FAM81A: variants seen among roughly 807,000 people sequenced by gnomAD.
FAM81A encodes the protein family with sequence similarity 81 member A, also known as protein FAM81A.
In FAM81A, 19 loss-of-function variants were observed where a neutral mutation model predicts 46.7. The observed-to-expected ratio is 0.41, with a 90% confidence interval of 0.28 to 0.60. The LOEUF is 0.60. Among genes scored for constraint, FAM81A ranks in the 20% least tolerant of loss-of-function variants. FAM81A has a pLI of 0.34. For synonymous variants in FAM81A, 183 were observed against 152.9 expected (o/e 1.20, Z -1.45); for missense variants, 377 against 453.5 (o/e 0.83, Z 1.53).
intron 1 of FAM81A, among the ~76,000 whole-genome samples, chr15:59,449,827 T>C (rs990685641): frequency 2.7e-5 from 4 of 146,738 alleles, no homozygotes; most frequent in Non-Finnish European, 4.5e-5. Flanking sequence ...TTGTATAGTG[T>C]TCTTATCCTT....
intron 2 of FAM81A, among the ~76,000 whole-genome samples, chr15:59,423,132 C>G (rs1180341460): frequency 6.6e-6 from 1 of 152,178 alleles, no homozygotes; most frequent in Non-Finnish European, 1.5e-5. Flanking sequence ...GAGTCTCGCA[C>G]TGTCGCCCAG....
rs1447725446 is a variant in FAM81A at position 59,523,032 on chromosome 15, A to C, written c.*1654A>C. On this transcript the variant is annotated 3_prime_UTR_variant, in exon 9 of 9. Transcript: ENST00000288228. ...TTTTGTGGTAGCGTACACGTGGTTCATGTGGTTCTCCACGTTTAAGCACAA... is the reference window on the plus strand; with the variant it reads ...TTTTGTGGTAGCGTACACGTGGTTCCTGTGGTTCTCCACGTTTAAGCACAA... 1.3e-5 allele frequency: 2 copies of C among 152,272 alleles called. No homozygotes were observed. The highest frequency in any genetic ancestry group is 4.8e-5 in the African/African-American group (2 of 41,468). The allele number at this position is 152,272 out of a possible 1,614,324, so 9.4% of individuals were successfully genotyped here. A position where few individuals can be genotyped will look rare whatever the true frequency, so the allele number is the denominator to read the frequency against.
At chr15:59,478,575 G>T (rs1250350820) in intron 3 of FAM81A, among the ~76,000 whole-genome samples, 4 of 152,194 alleles carry the variant, frequency 2.6e-5, no homozygotes, top group African/African-American at 9.6e-5. Flanking sequence ...GGGAATTTCA[G>T]CCTGCAGCTC....
At chr15:59,454,801 A>G (rs1283876444) in intron 1 of FAM81A, among the ~76,000 whole-genome samples, 1 of 147,766 alleles carries the variant, frequency 6.8e-6, no homozygotes, top group Non-Finnish European at 1.5e-5. Context: ...AATTTTTTTT[A>G]TTTTTTTTTA....
chr15:59,401,482 T>G, intron 1 of FAM81A: 1 of 762,564 alleles, frequency 1.3e-6, no homozygotes, highest in East Asian at 2.4e-5. Flanking sequence ...GCAAGCCCAT[T>G]GGCCTGATGA....
At chr15:59,417,613 G>T (rs575580686) in intron 2 of FAM81A, among the ~76,000 whole-genome samples, 1 of 151,998 alleles carries the variant, frequency 6.6e-6, no homozygotes, top group East Asian at 1.9e-4. Context: ...TACTCAGGAA[G>T]CTGAGGCAGG....
chr15:59,455,900 A>G (rs1478138912), intron 1 of FAM81A, among the ~76,000 whole-genome samples: 1 of 152,182 alleles, frequency 6.6e-6, no homozygotes, highest in Non-Finnish European at 1.5e-5. Context: ...ATATTGTCTT[A>G]TATCTTTATT....
At chr15:59,431,246 T>C (rs1385679348) in intron 2 of FAM81A, among the ~76,000 whole-genome samples, 6 of 152,110 alleles carry the variant, frequency 3.9e-5, no homozygotes, top group Non-Finnish European at 7.4e-5. Context: ...TTTTTTTTCT[T>C]TTTTTTGAGA....
intron 1 of FAM81A, among the ~76,000 whole-genome samples, chr15:59,401,003 C>T (rs1567034127): frequency 6.6e-6 from 1 of 152,088 alleles, no homozygotes; most frequent in Non-Finnish European, 1.5e-5. Flanking sequence ...TCTTTTCTAA[C>T]CTTTGCAGAT....
chr15:59,519,940 C>T (rs148918197), intron 8 of FAM81A, among the ~76,000 whole-genome samples: 216 of 152,210 alleles, frequency 1.4e-3, no homozygotes, highest in African/African-American at 5.1e-3. Context: ...AGTGAGATTG[C>T]TGGGTCGTAT....
intron 2 of FAM81A, among the ~76,000 whole-genome samples, chr15:59,430,997 A>G (rs2081217372): frequency 6.6e-6 from 1 of 152,228 alleles, no homozygotes; most frequent in Admixed American, 6.5e-5. Context: ...TATGTTAAAC[A>G]TAATAAATAA....
chr15:59,473,675 T>A (rs548570438), intron 3 of FAM81A, among the ~76,000 whole-genome samples: 1 of 152,148 alleles, frequency 6.6e-6, no homozygotes, highest in Admixed American at 6.5e-5. Context: ...GACATTACCG[T>A]CCCCTCCAGG....
chr15:59,401,740 A>G, intron 1 of FAM81A: 1 of 770,242 alleles, frequency 1.3e-6, no homozygotes, highest in East Asian at 2.4e-5. Context: ...GCAGATAGGC[A>G]GGTACTGCTC....
intron 3 of FAM81A, among the ~76,000 whole-genome samples, chr15:59,489,239 G>C (rs758117665): frequency 1.3e-5 from 2 of 151,634 alleles, no homozygotes; most frequent in Admixed American, 1.3e-4. Flanking sequence ...CACTCTAGCC[G>C]GGACAACAGA....
intron 1 of FAM81A, among the ~76,000 whole-genome samples, chr15:59,441,436 G>C (rs1040480040): frequency 5.9e-5 from 9 of 152,354 alleles, no homozygotes; most frequent in Middle Eastern, 6.8e-3. Flanking sequence ...TTCCATTTTA[G>C]TAAATTCTAA....
At chr15:59,519,733 C>A (rs1452707774) in intron 8 of FAM81A, among the ~76,000 whole-genome samples, 1 of 151,880 alleles carries the variant, frequency 6.6e-6, no homozygotes, top group African/African-American at 2.4e-5. Context: ...TGACAAATGG[C>A]AGGCTCTCCT....
intron 1 of FAM81A, among the ~76,000 whole-genome samples, chr15:59,456,820 C>T (rs2081490875): frequency 6.6e-6 from 1 of 152,166 alleles, no homozygotes; most frequent in South Asian, 2.1e-4. Flanking sequence ...AACTCCTGGG[C>T]TCAAGCAATC....
chr15:59,442,046 T>C (rs1422185949), intron 1 of FAM81A, among the ~76,000 whole-genome samples: 1 of 152,168 alleles, frequency 6.6e-6, no homozygotes, highest in Non-Finnish European at 1.5e-5. Context: ...GAGGGAGATT[T>C]GAATAACTTA....
chr15:59,451,875 A>G (rs1286184323), intron 1 of FAM81A, among the ~76,000 whole-genome samples: 4 of 152,206 alleles, frequency 2.6e-5, no homozygotes, highest in African/African-American at 9.7e-5. Context: ...ATTCAACAAT[A>G]TGAAATTACT....
Sources: allele counts gnomAD v4.1 joint callset (sites outside exome capture counted in the v4.1 genomes callset), GRCh38; gene constraint gnomAD v4.1.1; transcripts MANE v1.5; gene names NCBI Gene and HGNC (gene_info 2026-07-23, HGNC 2026-07-21).